SLC24A2: variants seen among roughly 807,000 people sequenced by gnomAD.
SLC24A2 encodes solute carrier family 24 member 2, also known as sodium/potassium/calcium exchanger 2.
Under a neutral mutation model 62.0 loss-of-function variants are expected in SLC24A2, and 36 were observed. That is an observed-to-expected ratio of 0.58 (90% CI 0.44 to 0.77). SLC24A2 has a LOEUF of 0.77. Among genes scored for constraint, SLC24A2 ranks in the 30% least tolerant of loss-of-function variants. The pLI is 0.00. For missense variants in SLC24A2, 846 were observed against 817.9 expected, an observed-to-expected ratio of 1.03 and a Z score of -0.42; for synonymous variants, 358 against 294.0, an observed-to-expected ratio of 1.22 and a Z score of -2.23.
intron 7 of SLC24A2, among the ~76,000 whole-genome samples, chr9:19,572,449 C>A (rs1261072014): frequency 6.6e-6 from 1 of 151,932 alleles, no homozygotes; most frequent in Non-Finnish European, 1.5e-5. Context: ...GCAGATTTCC[C>A]CTTTGCTATT....
the SLC24A2 span, among the ~76,000 whole-genome samples, chr9:20,203,840 A>G: frequency 6.6e-6 from 1 of 152,218 alleles, no homozygotes; most frequent in Non-Finnish European, 1.5e-5. Flanking sequence ...GGGTTCGCCT[A>G]TGGTATATGC....
At chr9:20,132,720 G>T in the SLC24A2 span, among the ~76,000 whole-genome samples, 2 of 151,964 alleles carry the variant, frequency 1.3e-5, no homozygotes, top group Admixed American at 1.3e-4. Flanking sequence ...ATTATTTAAA[G>T]CTATTTGGTT....
At chr9:19,948,369 T>C in the SLC24A2 span, among the ~76,000 whole-genome samples, 2 of 152,158 alleles carry the variant, frequency 1.3e-5, no homozygotes, top group African/African-American at 2.4e-5. Context: ...GAATGAATTA[T>C]CTTCACAATA....
the SLC24A2 span, among the ~76,000 whole-genome samples, chr9:20,085,254 C>T: frequency 1.3e-5 from 2 of 152,172 alleles, no homozygotes; most frequent in African/African-American, 4.8e-5. Context: ...CTGCCTCAGC[C>T]TCCCAAAATG....
chr9:19,608,642 T>G (rs1837056576), intron 4 of SLC24A2, among the ~76,000 whole-genome samples: 1 of 152,226 alleles, frequency 6.6e-6, no homozygotes. Flanking sequence ...TAGCCACTGC[T>G]GAGAGAATTA....
At chr9:19,734,266 C>T (rs998669619) in intron 2 of SLC24A2, among the ~76,000 whole-genome samples, 2 of 152,096 alleles carry the variant, frequency 1.3e-5, no homozygotes, top group Admixed American at 6.6e-5. Context: ...GGTACCAGTA[C>T]CATGCTGTTT....
the SLC24A2 span, among the ~76,000 whole-genome samples, chr9:20,096,096 C>CGTCT: frequency 7.3e-6 from 1 of 137,100 alleles, no homozygotes; most frequent in African/African-American, 2.6e-5. Context: ...TCCGTCCGTC[C>CGTCT]GTCCGTCCGT....
At chr9:19,836,506 C>A in the SLC24A2 span, among the ~76,000 whole-genome samples, 3 of 152,204 alleles carry the variant, frequency 2.0e-5, no homozygotes, top group African/African-American at 7.2e-5. Context: ...TCAACACATA[C>A]ACCCTCCCAA....
the SLC24A2 span, among the ~76,000 whole-genome samples, chr9:20,198,551 T>C: frequency 1.8e-4 from 28 of 152,188 alleles, no homozygotes; most frequent in Non-Finnish European, 3.5e-4. Flanking sequence ...CCAATAGCTT[T>C]GAAAGCCAGC....
At chr9:19,823,405 C>A in the SLC24A2 span, among the ~76,000 whole-genome samples, 1 of 151,844 alleles carries the variant, frequency 6.6e-6, no homozygotes, top group East Asian at 1.9e-4. Flanking sequence ...AATATTTCAG[C>A]TTGTGTTTTC....
chr9:19,921,350 C>T, the SLC24A2 span, among the ~76,000 whole-genome samples: 3 of 151,530 alleles, frequency 2.0e-5, no homozygotes, highest in Non-Finnish European at 2.9e-5. Flanking sequence ...GGTAAAACCC[C>T]GTCTCTACTA....
At chr9:19,871,015 CTTTTTT>C in the SLC24A2 span, among the ~76,000 whole-genome samples, 1 of 150,944 alleles carries the variant, frequency 6.6e-6, no homozygotes, top group Admixed American at 6.6e-5. Flanking sequence ...ATTTTAGTTT[CTTTTTT>C]TTTCTGTTGT....
the SLC24A2 span, among the ~76,000 whole-genome samples, chr9:20,162,598 G>A: frequency 2.6e-5 from 4 of 151,950 alleles, no homozygotes; most frequent in Non-Finnish European, 4.4e-5. Context: ...CCAATCAATA[G>A]AAAAAGAGGG....
chr9:19,690,283 G>A (rs541327102), intron 2 of SLC24A2, among the ~76,000 whole-genome samples: 74 of 152,152 alleles, frequency 4.9e-4, no homozygotes, highest in African/African-American at 1.5e-3. Context: ...CTGTGGGTCC[G>A]TTTGATTTAG....
At position 19,509,776 on chromosome 9, in the gene SLC24A2, T is replaced by G; in HGVS notation, c.*6377A>C. ...TTTTCTTTTGGTTAGCTGAGTATTT[T>G]GGAGAACTGTTAGTCTCCAAGGCCT... On this transcript the variant is annotated 3_prime_UTR_variant, in exon 11 of 11. Transcript: ENST00000341998. 1 of 152,216 alleles carries G rather than the reference T, an allele frequency of 6.6e-6. No individual in the cohort carries two copies. Among genetic ancestry groups the G allele is most frequent in the Middle Eastern group, 3.2e-3 (1 of 316 alleles). 9.4% of individuals were successfully genotyped at this position (152,216 alleles called of 1,614,324 possible). A position where few individuals can be genotyped will look rare whatever the true frequency, so the allele number is the denominator to read the frequency against.
At chr9:19,911,618 T>C in the SLC24A2 span, among the ~76,000 whole-genome samples, 1 of 152,096 alleles carries the variant, frequency 6.6e-6, no homozygotes, top group African/African-American at 2.4e-5. Flanking sequence ...TTGAGTGAGA[T>C]TCCCTGAGCT....
chr9:19,791,102 A>G (rs1823315055), upstream of SLC24A2, among the ~76,000 whole-genome samples: 1 of 152,228 alleles, frequency 6.6e-6, no homozygotes, highest in African/African-American at 2.4e-5. Context: ...AAGAAGTCTG[A>G]AAGCAGACTG....
chr9:20,164,755 C>A, the SLC24A2 span, among the ~76,000 whole-genome samples: 3 of 151,584 alleles, frequency 2.0e-5, no homozygotes, highest in Non-Finnish European at 4.4e-5. Context: ...CAATGATAGA[C>A]TGGATTAAGA....
the SLC24A2 span, among the ~76,000 whole-genome samples, chr9:19,955,218 T>C: frequency 5.3e-5 from 8 of 152,154 alleles, no homozygotes; most frequent in African/African-American, 1.9e-4. Flanking sequence ...TTATAAGTAA[T>C]GGGGTCTTAG....
Sources: gnomAD v4.1 joint callset for allele counts (sites outside exome capture counted in the v4.1 genomes callset) on GRCh38, gnomAD v4.1.1 for gene constraint, MANE v1.5 for transcripts, NCBI Gene and HGNC (gene_info 2026-07-23, HGNC 2026-07-21) for gene names.